KCNG3: variants seen among roughly 807,000 people sequenced by gnomAD.
KCNG3 encodes the protein potassium voltage-gated channel modifier subfamily G member 3.
Under a neutral mutation model 29.0 loss-of-function variants are expected in KCNG3, and 15 were observed. The ratio of observed to expected loss-of-function variants is 0.52; its 90% CI spans 0.35 to 0.80. The LOEUF is 0.80. Among genes scored for constraint, KCNG3 ranks in the 30% least tolerant of loss-of-function variants. KCNG3 has a pLI of 0.01. For synonymous variants in KCNG3, 322 were observed against 248.9 expected (o/e 1.29, Z -2.76); for missense variants, 512 against 605.7 (o/e 0.85, Z 1.62).
chr2:42,453,806 C>T (rs1454916890), intron 1 of KCNG3, among the ~76,000 whole-genome samples: 1 of 152,068 alleles, frequency 6.6e-6, no homozygotes, highest in African/African-American at 2.4e-5. Context: ...TGGAGATTTT[C>T]CCCAATGTTT....
chr2:42,454,943 G>C (rs1434404553), intron 1 of KCNG3, among the ~76,000 whole-genome samples: 1 of 152,122 alleles, frequency 6.6e-6, no homozygotes, highest in Non-Finnish European at 1.5e-5. Context: ...GGCAAGATGA[G>C]ATGAAAAAGC....
intron 1 of KCNG3, among the ~76,000 whole-genome samples, chr2:42,477,070 T>A (rs1673444735): frequency 6.7e-6 from 1 of 150,032 alleles, no homozygotes; most frequent in Non-Finnish European, 1.5e-5. Flanking sequence ...CAGGCACCTG[T>A]AGTCCCAGCT....
intron 1 of KCNG3, among the ~76,000 whole-genome samples, chr2:42,452,238 TATATA>T (rs1462358214): frequency 7.6e-4 from 53 of 69,688 alleles, no homozygotes; most frequent in African/African-American, 2.9e-3. Context: ...TATATATATA[TATATA>T]TTTTTTTTTT....
chr2:42,433,143 G>T, the KCNG3 span, among the ~76,000 whole-genome samples: 1 of 152,078 alleles, frequency 6.6e-6, no homozygotes, highest in African/African-American at 2.4e-5. Flanking sequence ...TCTAACTGGG[G>T]CAATTAGATA....
At chr2:42,473,626 A>C (rs1341312267) in intron 1 of KCNG3, among the ~76,000 whole-genome samples, 1 of 152,082 alleles carries the variant, frequency 6.6e-6, no homozygotes, top group Admixed American at 6.6e-5. Flanking sequence ...CTGGGATTAC[A>C]GGAGTAAGCC....
intron 1 of KCNG3, among the ~76,000 whole-genome samples, chr2:42,479,991 G>A (rs1378686326): frequency 2.0e-5 from 3 of 152,182 alleles, no homozygotes; most frequent in Admixed American, 6.5e-5. Flanking sequence ...ACTCCAGCCT[G>A]GGTGACAGAG....
chr2:42,468,440 G>A (rs763873662), intron 1 of KCNG3, among the ~76,000 whole-genome samples: 12 of 152,090 alleles, frequency 7.9e-5, no homozygotes, highest in Non-Finnish European at 1.6e-4. Context: ...AAAATCAACT[G>A]TACAGCTATA....
chr2:42,396,416 C>G, the KCNG3 span, among the ~76,000 whole-genome samples: 10 of 152,300 alleles, frequency 6.6e-5, no homozygotes, highest in South Asian at 2.1e-3. Context: ...TGTCCTATTT[C>G]TTCTGTTTTT....
chr2:42,474,436 G>A (rs906623114), intron 1 of KCNG3, among the ~76,000 whole-genome samples: 42 of 152,066 alleles, frequency 2.8e-4, no homozygotes, highest in African/African-American at 9.4e-4. Flanking sequence ...GCTGAGGCAC[G>A]AGAATCGCTT....
chr2:42,421,781 AG>A, the KCNG3 span, among the ~76,000 whole-genome samples: 1 of 152,234 alleles, frequency 6.6e-6, no homozygotes, highest in African/African-American at 2.4e-5. Flanking sequence ...ACAGACCCAG[AG>A]AGATGAAGCA....
chr2:42,419,219 C>CTGTTTT, the KCNG3 span, among the ~76,000 whole-genome samples: 1 of 27,736 alleles, frequency 3.6e-5, no homozygotes, highest in African/African-American at 1.2e-4. Flanking sequence ...GATGGTATCT[C>CTGTTTT]TTTTTTTTTT....
chr2:42,424,987 G>A, the KCNG3 span: 1 of 152,106 alleles, frequency 6.6e-6, no homozygotes, highest in Non-Finnish European at 1.5e-5. Context: ...TAAGTCCATC[G>A]ACAGGGCCTG....
At chr2:42,472,768 G>A (rs1572857150) in intron 1 of KCNG3, among the ~76,000 whole-genome samples, 1 of 151,094 alleles carries the variant, frequency 6.6e-6, no homozygotes, top group African/African-American at 2.4e-5. Flanking sequence ...CCAAAGTGCT[G>A]GGATTACAGG....
chr2:42,472,625 A>G (rs1027782580), intron 1 of KCNG3, among the ~76,000 whole-genome samples: 1 of 151,080 alleles, frequency 6.6e-6, no homozygotes, highest in Non-Finnish European at 1.5e-5. Context: ...CAGCCTCCCC[A>G]GTAGCTGGGA....
intron 1 of KCNG3, among the ~76,000 whole-genome samples, chr2:42,479,025 C>T (rs141079612): frequency 3.4e-5 from 5 of 148,936 alleles, no homozygotes; most frequent in Admixed American, 2.0e-4. Context: ...AATTCGAAAT[C>T]CAAAATACTC....
At chr2:42,491,040 ATGCTTT>A (rs1673860982) in intron 1 of KCNG3, among the ~76,000 whole-genome samples, 1 of 152,232 alleles carries the variant, frequency 6.6e-6, no homozygotes, top group Non-Finnish European at 1.5e-5. Flanking sequence ...TAAGAAAAAC[ATGCTTT>A]TGCCTGAAAT....
intron 1 of KCNG3, among the ~76,000 whole-genome samples, chr2:42,452,241 A>T (rs1259548113): frequency 1.9e-3 from 123 of 66,068 alleles, no homozygotes; most frequent in African/African-American, 7.1e-3. Context: ...ATATATATAT[A>T]TATTTTTTTT....
At chr2:42,469,909 T>C (rs1673243753) in intron 1 of KCNG3, 3 of 294,086 alleles carry the variant, frequency 1.0e-5, no homozygotes, top group African/African-American at 4.5e-5. Flanking sequence ...TGACATCTGA[T>C]GAAATGAAGG....
intron 1 of KCNG3, among the ~76,000 whole-genome samples, chr2:42,475,920 GC>G (rs902476992): frequency 1.3e-5 from 2 of 151,996 alleles, no homozygotes; most frequent in Non-Finnish European, 2.9e-5. Context: ...TACAAAATTA[GC>G]CAGGAGTGGT....
Sources: gnomAD v4.1 joint callset for allele counts (sites outside exome capture counted in the v4.1 genomes callset) on GRCh38, gnomAD v4.1.1 for gene constraint, MANE v1.5 for transcripts, NCBI Gene and HGNC (gene_info 2026-07-23, HGNC 2026-07-21) for gene names.